SGCZ: variants seen among roughly 807,000 people sequenced by gnomAD.
The protein encoded by SGCZ is zeta-sarcoglycan.
A neutral mutation model predicts 41.3 loss-of-function variants in SGCZ; 40 were observed. That is an observed-to-expected ratio of 0.97 (90% CI 0.75 to 1.26). SGCZ has a LOEUF of 1.26. Ranked by LOEUF, SGCZ falls within the 50% of genes most tolerant of loss-of-function variation. The pLI, the probability that SGCZ is intolerant of heterozygous loss-of-function variation, is 0.00. For missense variants in SGCZ, 552 were observed against 369.8 expected (o/e 1.49, Z -4.04); for synonymous variants, 206 against 137.5 (o/e 1.50, Z -3.49).
chr8:15,144,427 G>GA (rs1054720830), intron 1 of SGCZ, among the ~76,000 whole-genome samples: 2 of 151,174 alleles, frequency 1.3e-5, no homozygotes, highest in African/African-American at 4.9e-5. Context: ...AACAGGCTCA[G>GA]AAGTAGTTCT....
intron 1 of SGCZ, among the ~76,000 whole-genome samples, chr8:15,057,946 C>T (rs1353396065): frequency 6.6e-6 from 1 of 152,146 alleles, no homozygotes; most frequent in Non-Finnish European, 1.5e-5. Flanking sequence ...ATACTCTTGC[C>T]ATAAGACACC....
intron 2 of SGCZ, among the ~76,000 whole-genome samples, chr8:14,450,900 C>T (rs927310570): frequency 1.1e-4 from 16 of 152,110 alleles, no homozygotes. Flanking sequence ...ATCCCTCTAG[C>T]AACATCCACT....
At chr8:14,368,252 A>C (rs1803784457) in intron 2 of SGCZ, among the ~76,000 whole-genome samples, 2 of 152,074 alleles carry the variant, frequency 1.3e-5, no homozygotes, top group African/African-American at 4.8e-5. Context: ...ATTGCATGTT[A>C]TAATTCATAT....
chr8:14,260,202 C>A (rs1203142125), intron 3 of SGCZ, among the ~76,000 whole-genome samples: 1 of 151,994 alleles, frequency 6.6e-6, no homozygotes, highest in Admixed American at 6.6e-5. Flanking sequence ...ACTCATCTGA[C>A]AAAGGGCTAA....
intron 3 of SGCZ, among the ~76,000 whole-genome samples, chr8:14,291,264 G>A (rs1180403204): frequency 6.6e-6 from 1 of 151,988 alleles, no homozygotes; most frequent in Non-Finnish European, 1.5e-5. Context: ...TAACAATAAT[G>A]TATTGTACAT....
chr8:15,162,660 G>T (rs1412666281), intron 1 of SGCZ, among the ~76,000 whole-genome samples: 4 of 152,106 alleles, frequency 2.6e-5, no homozygotes, highest in Non-Finnish European at 5.9e-5. Context: ...GAAAATTCTG[G>T]CTCTCTCAAG....
chr8:14,814,237 A>G (rs1801826520), intron 1 of SGCZ, among the ~76,000 whole-genome samples: 2 of 152,206 alleles, frequency 1.3e-5, no homozygotes. Flanking sequence ...GCGTTATTTT[A>G]AAAGCCTTAG....
chr8:14,169,471 T>C (rs1171133684), intron 4 of SGCZ, among the ~76,000 whole-genome samples: 1 of 152,148 alleles, frequency 6.6e-6, no homozygotes, highest in East Asian at 1.9e-4. Flanking sequence ...CTTGATTTTT[T>C]ACCTTACTTG....
chr8:15,163,989 G>A (rs891532115), intron 1 of SGCZ, among the ~76,000 whole-genome samples: 94 of 152,322 alleles, frequency 6.2e-4, no homozygotes, highest in African/African-American at 2.2e-3. Context: ...CGCTTCCTGC[G>A]TGGAACCTGG....
intron 1 of SGCZ, among the ~76,000 whole-genome samples, chr8:15,096,395 A>G (rs1806347327): frequency 6.6e-6 from 1 of 152,104 alleles, no homozygotes; most frequent in Admixed American, 6.6e-5. Flanking sequence ...GCCAAGAAAT[A>G]GTTTATTGAA....
chr8:14,133,660 T>C (rs186265876), intron 5 of SGCZ, among the ~76,000 whole-genome samples: 173 of 152,298 alleles, frequency 1.1e-3, no homozygotes, highest in African/African-American at 4.0e-3. Context: ...GTCACTTTTT[T>C]ACTATTTTTT....
At chr8:14,117,989 G>C (rs1802577504) in intron 5 of SGCZ, among the ~76,000 whole-genome samples, 1 of 151,632 alleles carries the variant, frequency 6.6e-6, no homozygotes, top group Non-Finnish European at 1.5e-5. Context: ...ATCATTGATT[G>C]ACATTTGGGT....
At chr8:14,955,387 T>G (rs1370134690) in intron 1 of SGCZ, among the ~76,000 whole-genome samples, 1 of 152,224 alleles carries the variant, frequency 6.6e-6, no homozygotes, top group Non-Finnish European at 1.5e-5. Context: ...GGCTCAAACG[T>G]ACAATGTACT....
intron 1 of SGCZ, among the ~76,000 whole-genome samples, chr8:14,940,274 G>A (rs1394971578): frequency 1.3e-5 from 2 of 152,028 alleles, no homozygotes; most frequent in Non-Finnish European, 2.9e-5. Context: ...TAGCTACAGT[G>A]ACAAAAATAT....
chr8:14,260,348 G>T (rs1280556833), intron 3 of SGCZ, among the ~76,000 whole-genome samples: 1 of 150,104 alleles, frequency 6.7e-6, no homozygotes, highest in Middle Eastern at 3.2e-3. Flanking sequence ...ATGAAACAAT[G>T]CTCATCATCA....
intron 2 of SGCZ, among the ~76,000 whole-genome samples, chr8:14,419,122 A>G (rs1454957730): frequency 1.3e-5 from 2 of 151,932 alleles, no homozygotes; most frequent in Non-Finnish European, 2.9e-5. Flanking sequence ...GGAAAAGTAT[A>G]ATAAAAATAT....
At chr8:15,200,540 T>C (rs1368715143) in intron 1 of SGCZ, among the ~76,000 whole-genome samples, 1 of 152,192 alleles carries the variant, frequency 6.6e-6, no homozygotes, top group Non-Finnish European at 1.5e-5. Context: ...TGGTATGATA[T>C]GACATTCATG....
intron 2 of SGCZ, among the ~76,000 whole-genome samples, chr8:14,436,608 C>A (rs931030614): frequency 2.0e-5 from 3 of 152,184 alleles, no homozygotes; most frequent in African/African-American, 7.2e-5. Context: ...AAGCACTAAC[C>A]GTCCTAGTAG....
intron 1 of SGCZ, among the ~76,000 whole-genome samples, chr8:14,737,564 A>G (rs1461669197): frequency 6.6e-6 from 1 of 152,040 alleles, no homozygotes; most frequent in African/African-American, 2.4e-5. Context: ...CATTTTCTCA[A>G]ATTTATTTTC....
Sources: allele counts gnomAD v4.1 joint callset (sites outside exome capture counted in the v4.1 genomes callset), GRCh38; gene constraint gnomAD v4.1.1; transcripts MANE v1.5; gene names NCBI Gene and HGNC (gene_info 2026-07-23, HGNC 2026-07-21).